MSH6: variants seen among roughly 807,000 people sequenced by gnomAD.
MSH6 encodes the protein DNA mismatch repair protein Msh6.
In MSH6, 85 loss-of-function variants were observed where a neutral mutation model predicts 119.1. That is an observed-to-expected ratio of 0.71 (90% confidence interval 0.60 to 0.85). MSH6 has a LOEUF of 0.85. Ranked by LOEUF, MSH6 falls within the 40% of genes least tolerant of loss-of-function variation. MSH6 has a pLI of 0.00. For synonymous variants in MSH6, 830 were observed against 586.9 expected (o/e 1.41, Z -5.99); for missense variants, 2,163 against 1,655.3 (o/e 1.31, Z -5.32).
intron 1 of MSH6, among the ~76,000 whole-genome samples, chr2:47,788,930 T>TTTTTGTTTTGTTTTGTTTTG (rs1558650260): frequency 1.1e-5 from 1 of 92,722 alleles, no homozygotes; most frequent in African/African-American, 5.1e-5. Context: ...TTGTTTTTTT[T>TTTTTGTTTTGTTTTGTTTTG]TTTTTTTTTT....
Position 47,803,402 on chromosome 2 carries a change from T to G in MSH6, c.3173-18T>G. ...CCCCCAAACGATGAAGCCTCACTTT[T>G]ACCCTCTCTTTTAACAGATGTTTTA... On this transcript the variant is annotated intron_variant, in intron 4 of 9. Transcript: ENST00000234420. The G allele has an allele frequency of 6.2e-7, 1 of 1,614,186 alleles. No homozygotes were observed. The highest frequency in any genetic ancestry group is 8.5e-7 in the Non-Finnish European group (1 of 1,180,032).
rs1553408350 is a variant in MSH6, at chr2:47,783,426, T to G, written c.193T>G (p.Ser65Ala). 1 of 1,506,980 alleles carries G rather than the reference T, an allele frequency of 6.6e-7. No homozygotes were observed. Among genetic ancestry groups the G allele is most frequent in the Non-Finnish European group, 8.9e-7 (1 of 1,129,908 alleles). The allele number at this position is 1,506,980 out of a possible 1,614,324, so 93.4% of individuals were successfully genotyped here. A position where few individuals can be genotyped will look rare whatever the true frequency, so the allele number is the denominator to read the frequency against. ...GCCCAGGCCCTTGGCGCGCTCCGCGTCACCGCCCAAGGCGAAGAACCTCAA... is the reference window on the plus strand; with the variant it reads ...GCCCAGGCCCTTGGCGCGCTCCGCGGCACCGCCCAAGGCGAAGAACCTCAA... Reference protein sequence around the residue: ...PGPRPLARSASPPKAKNLNGG... With the variant: ...PGPRPLARSAAPPKAKNLNGG... The change falls in exon 1 of 10, where the codon TCA becomes GCA. Residue 65 changes from serine (S) to alanine (A), a missense_variant. Transcript: ENST00000234420.
At position 47,800,306 on chromosome 2, in the gene MSH6, A is replaced by C. The variant is rs759915781; in HGVS notation, c.2323A>C (p.Lys775Gln). The C allele has an allele frequency of 1.2e-6, 2 of 1,614,148 alleles. No homozygotes were observed. Among genetic ancestry groups the C allele is most frequent in the South Asian group, 2.2e-5 (2 of 91,072 alleles). ...TACTCCTTTTGGTAAGCGGCTCCTA[A>C]AGCAATGGCTTTGTGCCCCACTCTG... is the stretch of plus-strand genomic sequence containing the variant. ...CHTPFGKRLL[K>Q]QWLCAPLCNH... is the part of the protein sequence containing the mutation. The change falls in exon 4 of 10, where the codon AAG (lysine) becomes CAG (glutamine). Residue 775 changes from lysine to glutamine, a missense_variant. Transcript: ENST00000234420.
In MSH6 at chr2:47,799,606, C is replaced by T. The variant is rs777678406; in HGVS notation, c.1623C>T (p.Ser541=). ...AGAACTACAGTAAGTATCTTCTTAG[C>T]CTCAAAGAAAAAGAGGAAGATTCTT... ...PSENYSKYLL[S]LKEKEEDSSG... is the part of the protein sequence containing the mutation. Residue 541 remains serine (S), a synonymous_variant, in exon 4 of 10, where the codon AGC becomes AGT. Transcript: ENST00000234420. 6 of 1,614,082 alleles carry T rather than the reference C, an allele frequency of 3.7e-6. No homozygotes were observed. In the Admixed American group the frequency reaches 5.0e-5, roughly 13 times the overall value.
At chr2:47,790,822 T>C in intron 1 of MSH6, 105 bp from the exon 2 acceptor site, 1 of 1,014,688 alleles carries the variant, frequency 9.9e-7, no homozygotes, top group Non-Finnish European at 1.5e-6. Context: ...TTTCTGTGCT[T>C]CAATATTAAT....
chr2:47,791,237 C>A, intron 2 of MSH6, 114 bp downstream of exon 2: 1 of 987,736 alleles, frequency 1.0e-6, no homozygotes, highest in African/African-American at 1.6e-5. Flanking sequence ...TATTTTACCC[C>A]AGTAAATTGC....
intron 2 of MSH6, among the ~76,000 whole-genome samples, chr2:47,793,760 C>G (rs867125084): frequency 6.6e-6 from 1 of 151,004 alleles, no homozygotes; most frequent in African/African-American, 2.4e-5. Context: ...CAGCGGAGTC[C>G]AGCTTTATCA....
intron 1 of MSH6, among the ~76,000 whole-genome samples, chr2:47,786,889 G>A (rs574955640): frequency 6.6e-6 from 1 of 151,946 alleles, no homozygotes; most frequent in Non-Finnish European, 1.5e-5. Context: ...TCCCACTTCA[G>A]CCTCCCAACC....
chr2:47,804,551 G>A lies in MSH6; in HGVS notation c.3439-359G>A, dbSNP rs72809591. 2.0e-3 allele frequency among the ~76,000 whole-genome samples: 48 copies of A among 23,524 alleles called. 1 individual carries two copies. The highest frequency in any genetic ancestry group is 0.011 in the African/African-American group (23 of 2,112). 15.4% of individuals were successfully genotyped at this position (23,524 alleles called of 152,430 possible). A position where few individuals can be genotyped will look rare whatever the true frequency, so the allele number is the denominator to read the frequency against. On this transcript the variant is annotated intron_variant, in intron 5 of 9. Coordinates refer to ENST00000234420, the MANE Select transcript of MSH6 (RefSeq NM_000179.3). ...GACAACGTGTAAAAAAAAAAAAAAA[G>A]GTGCAGAGATTCCATCCTGACATGG... is the stretch of plus-strand genomic sequence containing the variant.
chr2:47,789,546 C>A, intron 1 of MSH6: 1 of 384,262 alleles, frequency 2.6e-6, no homozygotes, highest in Admixed American at 3.8e-5. Flanking sequence ...TCATTTAAAA[C>A]AATTTATACT....
rs770635149 is a variant in MSH6 at position 47,803,486 on chromosome 2, T to G, written c.3239T>G (p.Leu1080Arg). Residue 1080 changes from leucine (L) to arginine (R), a missense_variant, in exon 5 of 10, where the codon CTG (leucine) becomes CGG (arginine). Leu to Arg is a moderately radical substitution (Grantham distance 102). Coordinates refer to ENST00000234420, the MANE Select transcript of MSH6 (RefSeq NM_000179.3). ...GGTCCTATGTGTCGCCCAGTAATTC[T>G]GTTGCCGGAAGATACCCCCCCCTTC... ...GDGPMCRPVI[L>R]LPEDTPPFLE... is the part of the protein sequence containing the mutation. The G allele has an allele frequency of 3.1e-6, 5 of 1,614,218 alleles. No individual in the cohort carries two copies. The highest frequency in any genetic ancestry group is 4.2e-6 in the Non-Finnish European group (5 of 1,180,044).
chr2:47,787,441 A>G (rs1668413678), intron 1 of MSH6, among the ~76,000 whole-genome samples: 1 of 152,360 alleles, frequency 6.6e-6, no homozygotes, highest in Admixed American at 6.5e-5. Flanking sequence ...TGTTTAGACA[A>G]AGCCATTACT....
downstream of MSH6, chr2:47,807,040 T>C: frequency 1.6e-6 from 1 of 616,278 alleles, no homozygotes; most frequent in South Asian, 2.0e-5. Context: ...CTCCACAATA[T>C]ATTAAGTCTA....
rs1209834047 is a variant in MSH6 at position 47,806,847 on chromosome 2, T to A, written c.4070T>A (p.Ile1357Asn). ...AEAVHKLLTL[I>N]KEL ...GCTGTCCATAAATTGCTGACTTTGA[T>A]TAAGGAATTATAGACTGACTACATT... Residue 1357 changes from isoleucine to asparagine, a missense_variant, in exon 10 of 10, where the codon ATT (isoleucine) becomes AAT (asparagine). Transcript: ENST00000234420. 1.2e-6 allele frequency: 2 copies of A among 1,611,720 alleles called. No homozygotes were observed. Among genetic ancestry groups the A allele is most frequent in the African/African-American group, 1.3e-5 (1 of 74,762 alleles).
At chr2:47,796,871 G>A (rs569681793) in intron 3 of MSH6, among the ~76,000 whole-genome samples, 2 of 152,302 alleles carry the variant, frequency 1.3e-5, no homozygotes, top group Non-Finnish European at 1.5e-5. Flanking sequence ...TGAGGCATGA[G>A]AATTGCTTGA....
At chr2:47,806,687 G>A (rs761760816) in intron 9 of MSH6, 36 bp downstream of exon 9, 1 of 1,590,346 alleles carries the variant, frequency 6.3e-7, no homozygotes, top group South Asian at 1.1e-5. Flanking sequence ...ATAACTAACT[G>A]ACCTTAAGTT....
rs1348836250 is a variant in MSH6 at position 47,806,544 on chromosome 2, T to C, written c.3894T>C (p.Tyr1298=). ...KFIKGACPKS[Y]GFNAARLANL... ...TTAAGGGAGCTTGTCCTAAAAGCTATGGCTTTAATGCAGCAAGGCTTGCTA... is the reference window on the plus strand; with the variant it reads ...TTAAGGGAGCTTGTCCTAAAAGCTACGGCTTTAATGCAGCAAGGCTTGCTA... The change falls in exon 9 of 10, where the codon TAT becomes TAC. Residue 1298 remains tyrosine, a synonymous_variant. Coordinates refer to ENST00000234420, the MANE Select transcript of MSH6 (RefSeq NM_000179.3). 8 of 1,613,910 alleles carry C rather than the reference T, an allele frequency of 5.0e-6. No homozygotes were observed. The highest frequency in any genetic ancestry group is 5.9e-6 in the Non-Finnish European group (7 of 1,179,874).
intron 1 of MSH6, 43 bp from the exon 2 acceptor site, chr2:47,790,884 T>C (rs759828570): frequency 6.3e-7 from 1 of 1,595,030 alleles, no homozygotes; most frequent in South Asian, 1.1e-5. Context: ...TAAGGAAACT[T>C]GACCAAATAT....
intron 1 of MSH6, among the ~76,000 whole-genome samples, chr2:47,788,922 G>GTTTTTTTTGTTT (rs1668541391): frequency 2.4e-5 from 1 of 40,932 alleles, no homozygotes; most frequent in African/African-American, 1.0e-4. Context: ...TTTTTTTTTT[G>GTTTTTTTTGTTT]TTTTTTTTTT....
Sources: gnomAD v4.1 joint callset for allele counts (sites outside exome capture counted in the v4.1 genomes callset) on GRCh38, gnomAD v4.1.1 for gene constraint, MANE v1.5 for transcripts, NCBI Gene and HGNC (gene_info 2026-07-23, HGNC 2026-07-21) for gene names.